The following NDE1 variants were observed in gnomAD, a reference collection of about 807,000 sequenced individuals.
The protein encoded by NDE1 is nudE neurodevelopment protein 1.
A neutral mutation model predicts 43.4 loss-of-function variants in NDE1; 28 were observed. The ratio of observed to expected loss-of-function variants is 0.65; its 90% confidence interval spans 0.48 to 0.89. The LOEUF (loss-of-function observed/expected upper bound fraction) is 0.89. NDE1 is among the 40% of genes least tolerant of loss of function. The pLI is 0.00. For missense variants in NDE1, 441 were observed against 434.1 expected, an observed-to-expected ratio of 1.02 and a Z score of -0.14; for synonymous variants, 184 against 172.0, an observed-to-expected ratio of 1.07 and a Z score of -0.55.
intron 5 of NDE1, among the ~76,000 whole-genome samples, chr16:15,688,116 C>T (rs1419150674): frequency 6.6e-6 from 1 of 152,162 alleles, no homozygotes; most frequent in Non-Finnish European, 1.5e-5. Context: ...GTGGAGTATG[C>T]AGTGAGCTAT....
intron 3 of NDE1, among the ~76,000 whole-genome samples, chr16:15,675,824 G>A (rs950823561): frequency 2.0e-5 from 3 of 152,142 alleles, no homozygotes; most frequent in Admixed American, 6.5e-5. Flanking sequence ...ATGGTTTGGG[G>A]CTGGTTAGCA....
intron 8 of NDE1, chr16:15,719,255 TTCC>T: frequency 6.2e-7 from 1 of 1,613,574 alleles, no homozygotes; most frequent in Non-Finnish European, 8.5e-7. Context: ...CCTCTGCCAG[TTCC>T]TCCTTCTCGA....
At chr16:15,678,723 G>GT (rs2038014500) in intron 4 of NDE1, among the ~76,000 whole-genome samples, 1 of 152,088 alleles carries the variant, frequency 6.6e-6, no homozygotes, top group Admixed American at 6.6e-5. Context: ...CAGCCAAGCA[G>GT]TTTTTTTGGA....
intron 8 of NDE1, chr16:15,718,217 T>A: frequency 6.3e-7 from 1 of 1,586,440 alleles, no homozygotes; most frequent in Non-Finnish European, 8.5e-7. Context: ...ATCCAGGGCC[T>A]GCACACAGGA....
chr16:15,725,042 C>A lies in NDE1; in HGVS notation c.*791C>A. On this transcript the variant is annotated 3_prime_UTR_variant, in exon 9 of 9. Transcript: ENST00000396354. ...GTCAAAGCCTCTAGAAGGGGATCCT[C>A]GTTGAAAGGAGCCCTTTTTACTCAA... 6.6e-7 allele frequency: 1 copy of A among 1,514,988 alleles called. No homozygotes were observed. The highest frequency in any genetic ancestry group is 9.1e-7 in the Non-Finnish European group (1 of 1,098,702). The allele number at this position is 1,514,988 out of a possible 1,614,324, so 93.8% of individuals were successfully genotyped here.
exon 1 of NDE1, chr16:15,643,394 C>G: frequency 2.0e-6 from 1 of 489,116 alleles, no homozygotes; most frequent in Non-Finnish European, 4.2e-6. Flanking sequence ...TTTAAGGAGG[C>G]CTTCCCCCTG....
chr16:15,672,323 C>T (rs1391244966), intron 3 of NDE1, among the ~76,000 whole-genome samples: 15 of 152,050 alleles, frequency 9.9e-5, no homozygotes, highest in Non-Finnish European at 5.9e-5. Flanking sequence ...GTCCCAGCTA[C>T]TCGGGGGCTG....
intron 8 of NDE1, 96 bp from the exon 9 acceptor site, chr16:15,724,095 C>T (rs1234689763): frequency 1.0e-5 from 16 of 1,607,226 alleles, no homozygotes; most frequent in African/African-American, 6.7e-5. Context: ...ACGCGTCATA[C>T]TCTGCAGAGC....
intron 6 of NDE1, 42 bp downstream of exon 6, chr16:15,691,365 G>A (rs780713206): frequency 6.9e-6 from 11 of 1,599,054 alleles, no homozygotes; most frequent in Middle Eastern, 1.7e-4. Flanking sequence ...GGTTCACAAA[G>A]TGTTTCTGGG....
chr16:15,715,609 C>A (rs1464960985), intron 8 of NDE1, among the ~76,000 whole-genome samples: 2 of 152,104 alleles, frequency 1.3e-5, no homozygotes, highest in Admixed American at 1.3e-4. Context: ...GGAGTGGTTA[C>A]AGGGCATGGG....
chr16:15,669,265 C>G (rs1348744216), intron 3 of NDE1, among the ~76,000 whole-genome samples: 1 of 151,936 alleles, frequency 6.6e-6, no homozygotes, highest in Non-Finnish European at 1.5e-5. Context: ...ACAATCTCAC[C>G]TCACTGCAAC....
At chr16:15,716,522 T>TTGTG (rs959063999) in intron 8 of NDE1, among the ~76,000 whole-genome samples, 1 of 151,962 alleles carries the variant, frequency 6.6e-6, no homozygotes, top group Admixed American at 6.6e-5. Flanking sequence ...GGGGTTTTTT[T>TTGTG]TGTGTGTGTG....
chr16:15,671,519 T>C (rs1370569264), intron 3 of NDE1, among the ~76,000 whole-genome samples: 1 of 151,898 alleles, frequency 6.6e-6, no homozygotes, highest in Non-Finnish European at 1.5e-5. Context: ...ATAAAAAACC[T>C]GAGTAGTGGT....
chr16:15,721,284 C>T (rs999695628), intron 8 of NDE1: 2 of 1,091,324 alleles, frequency 1.8e-6, no homozygotes, highest in African/African-American at 1.6e-5. Context: ...GCCCCTGCAC[C>T]AGTCCAAAAA....
chr16:15,681,689 A>G (rs963834563), intron 4 of NDE1, among the ~76,000 whole-genome samples: 12 of 151,962 alleles, frequency 7.9e-5, no homozygotes, highest in Non-Finnish European at 1.8e-4. Flanking sequence ...GCTTTGTCTG[A>G]TGTATATTTT....
intron 6 of NDE1, among the ~76,000 whole-genome samples, chr16:15,691,632 C>CT (rs925992594): frequency 3.2e-4 from 38 of 118,968 alleles, no homozygotes; most frequent in Admixed American, 6.5e-4. Context: ...CAGAAATCCT[C>CT]TTTTTTTTTG....
intron 4 of NDE1, among the ~76,000 whole-genome samples, chr16:15,681,452 A>G (rs1171478871): frequency 6.6e-6 from 1 of 151,198 alleles, no homozygotes; most frequent in Non-Finnish European, 1.5e-5. Flanking sequence ...TTTTGTAGAT[A>G]CAGGGTTTTT....
intron 8 of NDE1, among the ~76,000 whole-genome samples, chr16:15,706,612 C>T (rs1007573390): frequency 6.6e-6 from 1 of 151,864 alleles, no homozygotes; most frequent in African/African-American, 2.4e-5. Context: ...GAGGCTGAGG[C>T]AGGAGAATTG....
intron 4 of NDE1, 168 bp from the exon 5 acceptor site, chr16:15,687,207 C>A: frequency 6.6e-7 from 1 of 1,525,336 alleles, no homozygotes. Context: ...AGGTAAAGAG[C>A]CCATGCCCCA....
Sources: allele counts gnomAD v4.1 joint callset (sites outside exome capture counted in the v4.1 genomes callset), GRCh38; gene constraint gnomAD v4.1.1; transcripts MANE v1.5; gene names NCBI Gene and HGNC (gene_info 2026-07-23, HGNC 2026-07-21).